The following PCDHA8 variants were observed in gnomAD, a reference collection of about 807,000 sequenced individuals.
The protein encoded by PCDHA8 is protocadherin alpha 8.
A neutral mutation model predicts 61.8 loss-of-function variants in PCDHA8; 53 were observed. That is an observed-to-expected ratio of 0.86 (90% CI 0.69 to 1.08). The LOEUF (loss-of-function observed/expected upper bound fraction) is 1.08. Ranked by LOEUF, PCDHA8 falls within the 50% of genes least tolerant of loss-of-function variation. PCDHA8 has a pLI of 0.00. For missense variants in PCDHA8, 1,293 were observed against 1,245.0 expected (o/e 1.04, Z -0.58); for synonymous variants, 618 against 556.6 (o/e 1.11, Z -1.55).
At chr5:140,952,955 A>G (rs1244776708) in intron 1 of PCDHA8, among the ~76,000 whole-genome samples, 1 of 152,044 alleles carries the variant, frequency 6.6e-6, no homozygotes, top group Non-Finnish European at 1.5e-5. Context: ...AGAAGGGGGA[A>G]GTGATACACA....
At position 140,883,299 on chromosome 5, in the gene PCDHA8, A is replaced by G. The variant is rs200799645; in HGVS notation, c.2394+39584A>G. 1.4e-5 allele frequency: 22 copies of G among 1,614,110 alleles called. No homozygotes were observed. In the African/African-American group the frequency reaches 2.9e-4, roughly 22 times the overall value. On this transcript the variant is annotated intron_variant, in intron 1 of 3. Coordinates refer to ENST00000531613, the MANE Select transcript of PCDHA8 (RefSeq NM_018911.3). ...CTTTTGGTGGAAGTACTAGATGTAA[A>G]TGATAACGCCCCAGAGGTTACCATC...
intron 1 of PCDHA8, among the ~76,000 whole-genome samples, chr5:140,881,833 A>G (rs1371458560): frequency 6.6e-6 from 1 of 152,252 alleles, no homozygotes; most frequent in Non-Finnish European, 1.5e-5. Flanking sequence ...AAAGTTCTGC[A>G]TGGAATTCTT....
In PCDHA8 at chr5:140,842,209, T is replaced by C. The variant is rs1777791559; in HGVS notation, c.888T>C (p.Asp296=). The stretch of plus-strand genomic sequence containing the variant: ...TGGTTATTGACCACTTTAGCATAGA[T>C]CGAAATACGGGAGAAATAGTGATTC... ...ETMVIDHFSI[D]RNTGEIVIRG... The change falls in exon 1 of 4, where the codon GAT becomes GAC. Residue 296 remains aspartate (D), a synonymous_variant. Transcript: ENST00000531613. 6.2e-7 allele frequency: 1 copy of C among 1,613,490 alleles called. No individual in the cohort carries two copies.
Position 140,855,940 on chromosome 5 carries a change from T to G in PCDHA8, c.2394+12225T>G, listed in dbSNP as rs781849353. 20 of 1,323,248 alleles carry G rather than the reference T, an allele frequency of 1.5e-5. 4 individuals carry two copies. The highest frequency in any genetic ancestry group is 2.9e-5 in the South Asian group (2 of 68,766). The allele number at this position is 1,323,248 out of a possible 1,614,324, so 82.0% of individuals were successfully genotyped here. A position where few individuals can be genotyped will look rare whatever the true frequency, so the allele number is the denominator to read the frequency against. Reference sequence around the variant, plus strand: ...TAGGAAGTAGCGTCATTCTGAGATCTCAGCCATTTCGATAAAAAATAGATA... The same window carrying G: ...TAGGAAGTAGCGTCATTCTGAGATCGCAGCCATTTCGATAAAAAATAGATA... On this transcript the variant is annotated intron_variant, in intron 1 of 3. Transcript: ENST00000531613.
At chr5:140,928,272 T>TG in intron 1 of PCDHA8, 1 of 1,614,156 alleles carries the variant, frequency 6.2e-7, no homozygotes, top group Admixed American at 1.7e-5. Context: ...ACAATGGCCC[T>TG]GGGGCCTCTC....
At chr5:140,976,523 C>T in intron 1 of PCDHA8, among the ~76,000 whole-genome samples, 1 of 151,724 alleles carries the variant, frequency 6.6e-6, no homozygotes. Flanking sequence ...TGCACACCAG[C>T]CTAAATGACA....
chr5:141,006,931 G>A (rs1268492539), intron 3 of PCDHA8, among the ~76,000 whole-genome samples: 1 of 152,158 alleles, frequency 6.6e-6, no homozygotes, highest in African/African-American at 2.4e-5. Flanking sequence ...ATTTCCAACT[G>A]GGGATACCAG....
At chr5:140,878,099 C>T (rs1270449354) in intron 1 of PCDHA8, 2 of 277,184 alleles carry the variant, frequency 7.2e-6, no homozygotes, top group Non-Finnish European at 1.3e-5. Flanking sequence ...GACTGATGAA[C>T]CTTGAAAAAA....
chr5:140,869,945 T>C lies in PCDHA8; in HGVS notation c.2394+26230T>C, dbSNP rs528075021. On this transcript the variant is annotated intron_variant, in intron 1 of 3. Transcript: ENST00000531613. ...GTCAATGGAGAGGTAACATACTCCTTAATGTCAATTAAGCCCAATGGAAGA... is the reference window on the plus strand; with the variant it reads ...GTCAATGGAGAGGTAACATACTCCTCAATGTCAATTAAGCCCAATGGAAGA... 8 of 1,612,376 alleles carry C rather than the reference T, an allele frequency of 5.0e-6. No individual in the cohort carries two copies. The African/African-American group carries it at 8.0e-5, about 16-fold the overall frequency.
intron 1 of PCDHA8, chr5:140,928,126 C>T (rs782461261): frequency 1.2e-6 from 2 of 1,614,176 alleles, no homozygotes; most frequent in Non-Finnish European, 1.7e-6. Context: ...CAGTGAATAC[C>T]AAGTCCTGAT....
intron 1 of PCDHA8, chr5:140,849,616 T>G: frequency 6.3e-7 from 1 of 1,598,694 alleles, no homozygotes; most frequent in South Asian, 1.1e-5. Context: ...CTGATTAGTG[T>G]GATCGACCTA....
intron 1 of PCDHA8, among the ~76,000 whole-genome samples, chr5:140,847,173 G>A (rs1554141670): frequency 6.7e-6 from 1 of 149,492 alleles, no homozygotes; most frequent in African/African-American, 2.4e-5. Context: ...ATAAACTAAA[G>A]GGCCATGAGT....
intron 1 of PCDHA8, chr5:140,969,204 C>T (rs1453693936): frequency 3.2e-5 from 51 of 1,613,996 alleles, no homozygotes; most frequent in African/African-American, 1.5e-4. Context: ...AATACAGGGG[C>T]CCAGACAGGA....
chr5:140,921,587 A>G (rs970982898), intron 1 of PCDHA8, among the ~76,000 whole-genome samples: 2 of 152,228 alleles, frequency 1.3e-5, no homozygotes, highest in Non-Finnish European at 2.9e-5. Context: ...ATACTATATT[A>G]TGGTTTCAAA....
intron 1 of PCDHA8, among the ~76,000 whole-genome samples, chr5:140,961,831 T>G (rs1447917023): frequency 6.6e-6 from 1 of 152,194 alleles, no homozygotes; most frequent in African/African-American, 2.4e-5. Flanking sequence ...TGTAAGTTAT[T>G]TCAGTGCCTT....
intron 1 of PCDHA8, chr5:140,855,934 G>A (rs1581379026): frequency 1.5e-6 from 2 of 1,294,846 alleles, no homozygotes; most frequent in South Asian, 1.5e-5. Flanking sequence ...GCGTCATTCT[G>A]AGATCTCAGC....
At chr5:140,901,539 A>G (rs192107124) in intron 1 of PCDHA8, among the ~76,000 whole-genome samples, 2 of 152,070 alleles carry the variant, frequency 1.3e-5, no homozygotes, top group East Asian at 1.9e-4. Context: ...TTGGTTCTCT[A>G]TTCTGTTCCA....
At chr5:140,892,405 T>C (rs1224393895) in intron 1 of PCDHA8, among the ~76,000 whole-genome samples, 2 of 152,206 alleles carry the variant, frequency 1.3e-5, no homozygotes, top group African/African-American at 2.4e-5. Context: ...ATTTCAAGCT[T>C]CAGGTATTCT....
chr5:140,891,311 T>C (rs563637309), intron 1 of PCDHA8, among the ~76,000 whole-genome samples: 1 of 152,216 alleles, frequency 6.6e-6, no homozygotes, highest in African/African-American at 2.4e-5. Context: ...ATTACATGAG[T>C]AAGTTCTTTG....
Sources: gnomAD v4.1 joint callset for allele counts (sites outside exome capture counted in the v4.1 genomes callset) on GRCh38, gnomAD v4.1.1 for gene constraint, MANE v1.5 for transcripts, NCBI Gene and HGNC (gene_info 2026-07-23, HGNC 2026-07-21) for gene names.